SCN8A: variants seen among roughly 807,000 people sequenced by gnomAD.
The protein encoded by SCN8A is sodium channel protein type 8 subunit alpha.
SCN8A carries 30 observed loss-of-function variants against 184.1 expected under a neutral mutation model. That is an observed-to-expected ratio of 0.16 (90% confidence interval 0.12 to 0.22). SCN8A has a LOEUF of 0.22. Among genes scored for constraint, SCN8A ranks in the 10% least tolerant of loss-of-function variants. The pLI is 1.00. For missense variants in SCN8A, 1,057 were observed against 2,498.9 expected (o/e 0.42, Z 12.30); for synonymous variants, 852 against 907.0 (o/e 0.94, Z 1.09).
chr12:51,781,658 ACG>A (rs761801369), intron 21 of SCN8A, among the ~76,000 whole-genome samples: 103 of 152,188 alleles, frequency 6.8e-4, no homozygotes, highest in Non-Finnish European at 1.1e-3. Context: ...ACGCGCACGC[ACG>A]CGCACACACA....
At chr12:51,694,517 A>G (rs1228341950) in intron 6 of SCN8A, among the ~76,000 whole-genome samples, 4 of 152,172 alleles carry the variant, frequency 2.6e-5, no homozygotes, top group Non-Finnish European at 5.9e-5. Context: ...TAAATGTATT[A>G]ACTGTTTCTA....
At chr12:51,667,101 G>A (rs1053487913) in intron 2 of SCN8A, among the ~76,000 whole-genome samples, 1 of 152,068 alleles carries the variant, frequency 6.6e-6, no homozygotes, top group Non-Finnish European at 1.5e-5. Flanking sequence ...TTTTAAAATA[G>A]GTAATATATT....
intron 11 of SCN8A, chr12:51,713,254 T>G: frequency 2.6e-6 from 3 of 1,142,276 alleles, no homozygotes; most frequent in South Asian, 2.5e-5. Flanking sequence ...GGCACCAGGC[T>G]TCACAGAATC....
At chr12:51,638,813 G>A (rs1940377300) in intron 1 of SCN8A, among the ~76,000 whole-genome samples, 1 of 152,028 alleles carries the variant, frequency 6.6e-6, no homozygotes, top group African/African-American at 2.4e-5. Context: ...CCTCATGAAT[G>A]ACTTTGAGGA....
At position 51,600,507 on chromosome 12, in the gene SCN8A, CT is replaced by C. The variant is rs75514219; in HGVS notation, c.-55+9149del. On this transcript the variant is annotated intron_variant, in intron 1 of 26. Coordinates refer to ENST00000627620, the MANE Select transcript of SCN8A (RefSeq NM_001330260.2). ...CCTTATCAGCCAGTGATGTTGCTTT[CT>C]GTTTCAGGTACTGAATCTTAGGCCG... Among the ~76,000 whole-genome samples, 16 of 152,300 alleles carry C rather than the reference CT, an allele frequency of 1.1e-4. No individual in the cohort carries two copies. In the East Asian group the frequency reaches 2.9e-3, roughly 28 times the overall value.
chr12:51,669,545 G>T (rs1006310085), intron 2 of SCN8A, among the ~76,000 whole-genome samples: 2 of 152,176 alleles, frequency 1.3e-5, no homozygotes, highest in Admixed American at 1.3e-4. Flanking sequence ...TTTACCTTTT[G>T]ATATTCTACC....
At chr12:51,776,849 A>G (rs1937719738) in intron 20 of SCN8A, among the ~76,000 whole-genome samples, 1 of 152,192 alleles carries the variant, frequency 6.6e-6, no homozygotes, top group Admixed American at 6.5e-5. Context: ...TGTTTCCCTA[A>G]TTGATTTTCA....
intron 1 of SCN8A, among the ~76,000 whole-genome samples, chr12:51,612,630 T>TTAC (rs1345874947): frequency 6.6e-6 from 1 of 152,238 alleles, no homozygotes; most frequent in African/African-American, 2.4e-5. Flanking sequence ...ATATAATGAA[T>TTAC]TACATTGGTT....
Position 51,706,401 on chromosome 12 carries a change from C to T in SCN8A, c.1342-21C>T, listed in dbSNP as rs534763850. ...AGTTAATTGCCCTGGTCTGGCTTCCCTGCTGTGGCTTCTTTCCTAGGCTGC... is the reference window on the plus strand; with the variant it reads ...AGTTAATTGCCCTGGTCTGGCTTCCTTGCTGTGGCTTCTTTCCTAGGCTGC... On this transcript the variant is annotated intron_variant, in intron 10 of 26. Transcript: ENST00000627620. The T allele has an allele frequency of 5.2e-6, 8 of 1,530,714 alleles. No individual in the cohort carries two copies. In the South Asian group the frequency reaches 6.7e-5, roughly 13 times the overall value. The allele number at this position is 1,530,714 out of a possible 1,614,324, so 94.8% of individuals were successfully genotyped here.
intron 1 of SCN8A, among the ~76,000 whole-genome samples, chr12:51,652,275 C>T (rs768965252): frequency 6.6e-6 from 1 of 152,080 alleles, no homozygotes; most frequent in Non-Finnish European, 1.5e-5. Context: ...AGTCAGTCAA[C>T]AAAACTGTCC....
intron 13 of SCN8A, among the ~76,000 whole-genome samples, chr12:51,750,564 A>G (rs1329244209): frequency 6.6e-6 from 1 of 152,188 alleles, no homozygotes; most frequent in Non-Finnish European, 1.5e-5. Context: ...TGGAGACAGT[A>G]ACTTGTACTT....
intron 1 of SCN8A, among the ~76,000 whole-genome samples, chr12:51,654,638 T>G (rs1041613600): frequency 6.6e-6 from 1 of 152,196 alleles, no homozygotes; most frequent in African/African-American, 2.4e-5. Flanking sequence ...CCTCCAACTT[T>G]GTTTTTTTTC....
At chr12:51,637,071 C>A (rs1592344998) in intron 1 of SCN8A, among the ~76,000 whole-genome samples, 1 of 152,086 alleles carries the variant, frequency 6.6e-6, no homozygotes, top group African/African-American at 2.4e-5. Flanking sequence ...TTCATTATTA[C>A]ATCTGTTATG....
At position 51,807,451 on chromosome 12, in the gene SCN8A, T is replaced by C. The variant is rs770947079; in HGVS notation, c.*22T>C. 5 of 1,586,164 alleles carry C rather than the reference T, an allele frequency of 3.2e-6. No individual in the cohort carries two copies. Among genetic ancestry groups the C allele is most frequent in the Non-Finnish European group, 4.3e-6 (5 of 1,165,188 alleles). On this transcript the variant is annotated 3_prime_UTR_variant, in exon 27 of 27. Coordinates refer to ENST00000627620, the MANE Select transcript of SCN8A (RefSeq NM_001330260.2). This position sits in a 1 kb window ranked among gnomAD's most constrained non-coding sequence, Gnocchi z 4.5. ...TTAGAGGAGAACAAAAATTCAGTAT[T>C]ATACAGATCTAAAACTCGCAAGTGA...
rs975178357 is a variant in SCN8A at position 51,741,844 on chromosome 12, A to G, written c.1999-4059A>G. 3.3e-5 allele frequency among the ~76,000 whole-genome samples: 5 copies of G among 152,210 alleles called. 1 individual carries two copies. Among genetic ancestry groups the G allele is most frequent in the Admixed American group, 3.3e-4 (5 of 15,294 alleles). ...CTCAGCCCCCCAAGTAGCTGGGATT[A>G]CAAGCATGTGCCACCACGCCCGGCT... On this transcript the variant is annotated intron_variant, in intron 12 of 26. Transcript: ENST00000627620.
intron 25 of SCN8A, 95 bp from the exon 26 acceptor site, chr12:51,794,276 G>C: frequency 8.1e-7 from 1 of 1,241,814 alleles, no homozygotes; most frequent in Non-Finnish European, 1.1e-6. Context: ...GAAAAGGAGG[G>C]AGAGGGTACC....
At chr12:51,655,002 C>A (rs149375592) in intron 1 of SCN8A, among the ~76,000 whole-genome samples, 1 of 151,952 alleles carries the variant, frequency 6.6e-6, no homozygotes, top group South Asian at 2.1e-4. Flanking sequence ...CAGGTTCAAG[C>A]GATTCTGGTG....
chr12:51,751,633 G>A, intron 14 of SCN8A, 40 bp downstream of exon 14: 2 of 1,464,090 alleles, frequency 1.4e-6, no homozygotes, highest in Non-Finnish European at 1.9e-6. Context: ...GGATTGGAAT[G>A]TGTTTTGCCT....
intron 12 of SCN8A, among the ~76,000 whole-genome samples, chr12:51,728,194 G>A (rs1232142116): frequency 2.0e-5 from 3 of 152,122 alleles, no homozygotes; most frequent in Admixed American, 6.5e-5. Flanking sequence ...GTGAATATAT[G>A]TTTGCCCTCT....
Sources: gnomAD v4.1 joint callset for allele counts (sites outside exome capture counted in the v4.1 genomes callset) on GRCh38, gnomAD v4.1.1 for gene constraint, Gnocchi (gnomAD v3.1) non-coding constraint, MANE v1.5 for transcripts, NCBI Gene and HGNC (gene_info 2026-07-23, HGNC 2026-07-21) for gene names.